The following NPIPA5 variants were observed in gnomAD, a reference collection of about 807,000 sequenced individuals.
The protein encoded by NPIPA5 is nuclear pore complex interacting protein family member A5.
A neutral mutation model predicts 21.4 loss-of-function variants in NPIPA5; 6 were observed. The observed-to-expected ratio is 0.28, with a 90% confidence interval of 0.15 to 0.55. NPIPA5 has a LOEUF of 0.55. NPIPA5 is among the 20% of genes least tolerant of loss of function. The probability of loss-of-function intolerance (pLI) is 0.93; values close to 1 mark genes in which losing one functional copy is unlikely to be tolerated. For synonymous variants in NPIPA5, 33 were observed against 115.3 expected (o/e 0.29, Z 4.57); for missense variants, 99 against 318.2 (o/e 0.31, Z 5.24).
In NPIPA5 at chr16:15,363,896, A is replaced by T; in HGVS notation, c.816T>A (p.Tyr272Ter). 1 of 1,604,198 alleles carries T rather than the reference A, an allele frequency of 6.2e-7. No homozygotes were observed. The highest frequency in any genetic ancestry group is 8.5e-7 in the Non-Finnish European group (1 of 1,179,360). ...TATCATCCGCTGAGGGTGGAAGGGG[A>T]TAGAGCAGACGCTCGGAAGGTGTCT... is the stretch of plus-strand genomic sequence containing the variant. ...SLKTPSERLL[Y>*]PLPPSADDNL... The change falls in exon 8 of 8, where the codon TAT becomes TAA. Residue 272 changes from tyrosine to a stop codon, truncating the protein, a stop_gained. Coordinates refer to ENST00000360151, the MANE Select transcript of NPIPA5 (RefSeq NM_001277325.2). LOFTEE classifies it high-confidence loss of function.
At chr16:15,368,348 C>T (rs1164298726) in intron 4 of NPIPA5, among the ~76,000 whole-genome samples, 1 of 152,008 alleles carries the variant, frequency 6.6e-6, no homozygotes, top group Non-Finnish European at 1.5e-5. Context: ...ACCTCAATTG[C>T]AGCCTGTATG....
chr16:15,370,686 G>T (rs964277342), intron 2 of NPIPA5, among the ~76,000 whole-genome samples: 1 of 140,994 alleles, frequency 7.1e-6, no homozygotes, highest in African/African-American at 2.6e-5. Flanking sequence ...AGCAGGAAAA[G>T]GTTGTGTTGA....
rs534707327 is a variant in NPIPA5 at position 15,371,410 on chromosome 16, G to A, written c.193-1291C>T. ...TTATCACAGTATGCTTTTAATCTTC[G>A]AAGATATTAAATATTTGTTCTCATC... is the stretch of plus-strand genomic sequence containing the variant. On this transcript the variant is annotated intron_variant, in intron 2 of 7. Transcript: ENST00000360151. Among the ~76,000 whole-genome samples, 513 of 148,096 alleles carry A rather than the reference G, an allele frequency of 3.5e-3. 31 individuals are homozygous for A. The highest frequency in any genetic ancestry group is 0.011 in the African/African-American group (447 of 40,752).
intron 4 of NPIPA5, among the ~76,000 whole-genome samples, chr16:15,367,217 G>A (rs2049999787): frequency 6.6e-6 from 1 of 152,106 alleles, no homozygotes; most frequent in African/African-American, 2.4e-5. Flanking sequence ...CTCAGTCAGA[G>A]GCTGATGCCG....
chr16:15,379,077 C>G (rs1251441740), upstream of NPIPA5, among the ~76,000 whole-genome samples: 1 of 152,054 alleles, frequency 6.6e-6, no homozygotes, highest in African/African-American at 2.4e-5. Context: ...AAACTTCCCA[C>G]AGGCCTTCTG....
intron 4 of NPIPA5, among the ~76,000 whole-genome samples, chr16:15,369,448 A>C (rs2050085606): frequency 1.3e-5 from 2 of 151,190 alleles, no homozygotes; most frequent in Non-Finnish European, 2.9e-5. Flanking sequence ...GCTCCGTCTC[A>C]GGAAAAAAAA....
chr16:15,379,215 A>G (rs1185676300), upstream of NPIPA5, among the ~76,000 whole-genome samples: 4 of 152,220 alleles, frequency 2.6e-5, no homozygotes, highest in Non-Finnish European at 5.9e-5. Flanking sequence ...TTGATGCTAC[A>G]AATGGAAAGC....
chr16:15,366,801 G>A (rs980922975), intron 4 of NPIPA5, 41 bp from the exon 5 acceptor site: 86 of 1,496,966 alleles, frequency 5.7e-5, no homozygotes, highest in African/African-American at 1.7e-4. Flanking sequence ...CCACCAGCCC[G>A]TGTGGGATTC....
upstream of NPIPA5, among the ~76,000 whole-genome samples, chr16:15,380,112 G>T (rs1295166688): frequency 6.6e-6 from 1 of 151,290 alleles, no homozygotes; most frequent in Non-Finnish European, 1.5e-5. Flanking sequence ...ATTACTACTG[G>T]ACTTTTTGTA....
At chr16:15,370,563 C>A (rs1365380869) in intron 2 of NPIPA5, among the ~76,000 whole-genome samples, 1 of 145,486 alleles carries the variant, frequency 6.9e-6, no homozygotes, top group Non-Finnish European at 1.5e-5. Flanking sequence ...ACCAGCCTCA[C>A]CAACATGGAG....
intron 1 of NPIPA5, among the ~76,000 whole-genome samples, chr16:15,377,648 G>A (rs1287449950): frequency 1.8e-5 from 2 of 110,496 alleles, no homozygotes; most frequent in Non-Finnish European, 3.7e-5. Flanking sequence ...GGAGGGGGAG[G>A]GGAAGGGGAA....
rs1428087240 is a variant in NPIPA5 at position 15,363,938 on chromosome 16, A to C, written c.774T>G (p.Asp258Glu). The C allele has an allele frequency of 6.3e-7, 1 of 1,598,076 alleles. No homozygotes were observed. Among genetic ancestry groups the C allele is most frequent in the African/African-American group, 1.3e-5 (1 of 74,590 alleles). The change falls in exon 8 of 8, where the codon GAT becomes GAG. Residue 258 changes from aspartate to glutamate, a missense_variant. By Grantham distance (45) the Asp-to-Glu change is conservative. This residue lies in a region of NPIPA5 where 75 missense variants were observed against 138.5 expected (regional missense o/e 0.54). Coordinates refer to ENST00000360151, the MANE Select transcript of NPIPA5 (RefSeq NM_001277325.2). ...AAGGTGTCTTGAGGCTCAGGGAGTT[A>C]TCAATTATAGAATGTTGTTGAGTTG... is the stretch of plus-strand genomic sequence containing the variant. ...PPPTQQHSIIDNSLSLKTPSE... is the reference protein window; with the variant it reads ...PPPTQQHSIIENSLSLKTPSE...
Position 15,370,793 on chromosome 16 carries a change from G to C in NPIPA5, c.193-674C>G, listed in dbSNP as rs1362254372. 1.4e-5 allele frequency among the ~76,000 whole-genome samples: 2 copies of C among 147,850 alleles called. 1 individual carries two copies. The highest frequency in any genetic ancestry group is 3.0e-5 in the Non-Finnish European group (2 of 67,022). ...AGGCCAGGTGCGGTAGCTCACGCCT[G>C]TAATCCCAGCACTTTGGGAGGCCGA... On this transcript the variant is annotated intron_variant, in intron 2 of 7. Transcript: ENST00000360151.
At chr16:15,380,733 AG>A (rs2050418202), upstream of NPIPA5, among the ~76,000 whole-genome samples, 1 of 148,816 alleles carries the variant, frequency 6.7e-6, no homozygotes, top group South Asian at 2.2e-4. Flanking sequence ...TTCTGACAGA[AG>A]ATAGTGGTTT....
chr16:15,376,148 G>A (rs572701159), intron 1 of NPIPA5, among the ~76,000 whole-genome samples: 11 of 151,884 alleles, frequency 7.2e-5, no homozygotes, highest in African/African-American at 2.2e-4. Context: ...ATCTGTATAC[G>A]TGAAATTCCA....
rs569737336 is a variant in NPIPA5 at position 15,376,084 on chromosome 16, A to G, written c.63+2148T>C. ...CAACAATGGTAATGATTTCAGAAATACGGTGTTGAGCAGAATAAAGCAGAC... is the reference window on the plus strand; with the variant it reads ...CAACAATGGTAATGATTTCAGAAATGCGGTGTTGAGCAGAATAAAGCAGAC... On this transcript the variant is annotated intron_variant, in intron 1 of 7. Coordinates refer to ENST00000360151, the MANE Select transcript of NPIPA5 (RefSeq NM_001277325.2). Among the ~76,000 whole-genome samples, 276 of 152,268 alleles carry G rather than the reference A, an allele frequency of 1.8e-3. 1 individual carries two copies. Among genetic ancestry groups the G allele is most frequent in the Non-Finnish European group, 2.1e-3 (141 of 68,028 alleles).
At chr16:15,366,929 T>C (rs78447503) in intron 4 of NPIPA5, among the ~76,000 whole-genome samples, 169 bp from the exon 5 acceptor site, 16,879 of 146,142 alleles carry the variant, frequency 0.12, 1,293 homozygotes, top group East Asian at 0.4. Flanking sequence ...CATTGAGGGA[T>C]AAAAAAAAAT....
rs1030814805 is a variant in NPIPA5, at chr16:15,374,126, A to C, written c.64-283T>G. On this transcript the variant is annotated intron_variant, in intron 1 of 7. Transcript: ENST00000360151. ...TTGACTTCCCTGCCTATATTAAAAG[A>C]AGCAAAGTTGTCTTGAGCCACACAT... Among the ~76,000 whole-genome samples, 2 of 148,522 alleles carry C rather than the reference A, an allele frequency of 1.3e-5. 1 individual carries two copies. The highest frequency in any genetic ancestry group is 5.0e-5 in the African/African-American group (2 of 40,040).
chr16:15,368,055 A>T (rs1218887219), intron 4 of NPIPA5, among the ~76,000 whole-genome samples: 2 of 90,952 alleles, frequency 2.2e-5, no homozygotes, highest in Non-Finnish European at 4.4e-5. Flanking sequence ...GTGAAGATGG[A>T]GAAGAAGGAA....
Sources: allele counts gnomAD v4.1 joint callset (sites outside exome capture counted in the v4.1 genomes callset), GRCh38; gene constraint gnomAD v4.1.1; regional missense constraint gnomAD v4.1.1; transcripts MANE v1.5; gene names NCBI Gene and HGNC (gene_info 2026-07-23, HGNC 2026-07-21).